Variants in NACC2 observed in about 807,000 individuals in gnomAD.
NACC2 encodes the protein NACC family member 2, also known as nucleus accumbens-associated protein 2.
In NACC2, 8 loss-of-function variants were observed where a neutral mutation model predicts 25.1. That is an observed-to-expected ratio of 0.32 (90% confidence interval 0.19 to 0.57). NACC2 has a LOEUF of 0.57. Among genes scored for constraint, NACC2 ranks in the 20% least tolerant of loss-of-function variants. NACC2 has a pLI of 0.89. For missense variants in NACC2, 644 were observed against 650.2 expected, an observed-to-expected ratio of 0.99 and a Z score of 0.10; for synonymous variants, 435 against 294.7, an observed-to-expected ratio of 1.48 and a Z score of -4.88.
In NACC2 at chr9:136,095,218, G is replaced by A. The variant is rs1329680549; in HGVS notation, c.-89C>T. 1 of 147,522 alleles carries A rather than the reference G, an allele frequency of 6.8e-6. No homozygotes were observed. The highest frequency in any genetic ancestry group is 1.5e-5 in the Non-Finnish European group (1 of 66,154). 9.1% of individuals were successfully genotyped at this position (147,522 alleles called of 1,614,324 possible). ...GGGCGCCCGGCCCGGTCCGGCCTGG[G>A]CAGCTGCGGCGCGCCGCCCGCGGCA... On this transcript the variant is annotated 5_prime_UTR_variant, in exon 1 of 6. Coordinates refer to ENST00000277554, the MANE Select transcript of NACC2 (RefSeq NM_144653.5).
intron 1 of NACC2, among the ~76,000 whole-genome samples, chr9:136,062,584 T>C (rs1459329087): frequency 6.6e-6 from 1 of 152,176 alleles, no homozygotes; most frequent in Non-Finnish European, 1.5e-5. Flanking sequence ...ATAATACCTG[T>C]TCTCTGTACG....
In NACC2 at chr9:136,011,669, C is replaced by T. The variant is rs576517890; in HGVS notation, c.1611G>A (p.Ser537=). 22 of 1,421,118 alleles carry T rather than the reference C, an allele frequency of 1.5e-5. No homozygotes were observed. In the Admixed American group the frequency reaches 2.4e-4, roughly 16 times the overall value. The allele number at this position is 1,421,118 out of a possible 1,614,324, so 88.0% of individuals were successfully genotyped here. A position where few individuals can be genotyped will look rare whatever the true frequency, so the allele number is the denominator to read the frequency against. Residue 537 remains serine, a synonymous_variant, in exon 6 of 6, where the codon TCG becomes TCA. Transcript: ENST00000277554. ...DAGEEVDGAG[S]VIQEVAAPEP... Reference sequence around the variant, plus strand: ...CGGGGGCGGCCACCTCCTGGATGACCGAGCCAGCCCCGTCCACCTCCTCGC... The same window carrying T: ...CGGGGGCGGCCACCTCCTGGATGACTGAGCCAGCCCCGTCCACCTCCTCGC...
chr9:136,062,148 AGGACAGGACAGGACAGGAC>A (rs1184997437), intron 1 of NACC2, among the ~76,000 whole-genome samples: 4 of 151,606 alleles, frequency 2.6e-5, no homozygotes, highest in Non-Finnish European at 4.4e-5. Context: ...AGGACAGGAC[AGGACAGGACAGGACAGGAC>A]AGGACAGGAA....
chr9:136,018,174 G>A lies in NACC2; in HGVS notation c.887-1745C>T, dbSNP rs1239623424. Among the ~76,000 whole-genome samples, 1 of 152,164 alleles carries A rather than the reference G, an allele frequency of 6.6e-6. No individual in the cohort carries two copies. Among genetic ancestry groups the A allele is most frequent in the Non-Finnish European group, 1.5e-5 (1 of 67,994 alleles). ...AGGACGCTCAGAGGCAGGTGCACCT[G>A]GCCATGCTGTCCCTGTTCCCAGTCC... On this transcript the variant is annotated intron_variant, in intron 2 of 5. Transcript: ENST00000277554. This position sits in a 1 kb window ranked among gnomAD's most constrained non-coding sequence, Gnocchi z 4.4.
rs1215578822 is a variant in NACC2, at chr9:136,013,520, C to A, written c.1158-224G>T. On this transcript the variant is annotated intron_variant, in intron 4 of 5. Coordinates refer to ENST00000277554, the MANE Select transcript of NACC2 (RefSeq NM_144653.5). This position sits in a 1 kb window ranked among gnomAD's most constrained non-coding sequence, Gnocchi z 6.6. ...ACCGGGTGATGGGGCTGCAAGGTGACCTGAGCCTTGTCCTCAGGGACTCCG... is the reference window on the plus strand; with the variant it reads ...ACCGGGTGATGGGGCTGCAAGGTGAACTGAGCCTTGTCCTCAGGGACTCCG... 6.6e-6 allele frequency among the ~76,000 whole-genome samples: 1 copy of A among 152,210 alleles called. No homozygotes were observed. Among genetic ancestry groups the A allele is most frequent in the Non-Finnish European group, 1.5e-5 (1 of 68,038 alleles).
rs1198049595 is a variant in NACC2, at chr9:136,024,061, T to A, written c.887-7632A>T. Among the ~76,000 whole-genome samples the A allele has an allele frequency of 7.2e-5, 11 of 151,836 alleles. No individual in the cohort carries two copies. The South Asian group carries it at 1.9e-3, about 26-fold the overall frequency. ...ACAGAGTGTGTGGGGACAGCGTGTG[T>A]GTGTGAGGCCAGAGTGTGAGTGAGG... On this transcript the variant is annotated intron_variant, in intron 2 of 5. Transcript: ENST00000277554.
rs1840792488 is a variant in NACC2, at chr9:136,049,940, C to G, written c.582G>C (p.Glu194Asp). 1 of 581,082 alleles carries G rather than the reference C, an allele frequency of 1.7e-6. No homozygotes were observed. The highest frequency in any genetic ancestry group is 3.0e-6 in the Non-Finnish European group (1 of 328,574). 36.0% of individuals were successfully genotyped at this position (581,082 alleles called of 1,614,324 possible). A position where few individuals can be genotyped will look rare whatever the true frequency, so the allele number is the denominator to read the frequency against. ...GPGLAPKRPL[E>D]TGPRDGVAVA... ...CCGCCACGCCGTCCCGGGGCCCCGTCTCCAGCGGGCGCTTGGGGGCCAGGC... is the reference window on the plus strand; with the variant it reads ...CCGCCACGCCGTCCCGGGGCCCCGTGTCCAGCGGGCGCTTGGGGGCCAGGC... Residue 194 changes from glutamate to aspartate, a missense_variant, in exon 2 of 6, where the codon GAG becomes GAC. Physicochemically the swap from Glu to Asp is conservative, Grantham distance 45. Transcript: ENST00000277554.
In NACC2 at chr9:136,061,646, C is replaced by T. The variant is rs146860589; in HGVS notation, c.-59-11066G>A. On this transcript the variant is annotated intron_variant, in intron 1 of 5. Coordinates refer to ENST00000277554, the MANE Select transcript of NACC2 (RefSeq NM_144653.5). Reference sequence around the variant, plus strand: ...GCAGGTCTACCCCAGCCCCCAGCCTCAGCCCTCACACGGCCAGGTGGCAAC... The same window carrying T: ...GCAGGTCTACCCCAGCCCCCAGCCTTAGCCCTCACACGGCCAGGTGGCAAC... Among the ~76,000 whole-genome samples the T allele has an allele frequency of 4.2e-4, 64 of 152,334 alleles. 1 individual carries two copies. The East Asian group carries it at 8.5e-3, about 20-fold the overall frequency.
intron 1 of NACC2, among the ~76,000 whole-genome samples, chr9:136,067,396 G>A (rs752337612): frequency 2.6e-5 from 4 of 152,120 alleles, no homozygotes; most frequent in Non-Finnish European, 5.9e-5. Flanking sequence ...TAAAATTCAC[G>A]ATGGTAATGG....
At chr9:136,058,883 G>A (rs370331292) in intron 1 of NACC2, among the ~76,000 whole-genome samples, 27 of 152,330 alleles carry the variant, frequency 1.8e-4, no homozygotes, top group South Asian at 6.2e-4. Context: ...CGCAGGGGCC[G>A]GGGCAGGATG....
At chr9:136,094,710 G>A (rs1830469498) in intron 1 of NACC2, among the ~76,000 whole-genome samples, 2 of 151,994 alleles carry the variant, frequency 1.3e-5, no homozygotes, top group Admixed American at 6.5e-5. Context: ...GGCTGGGCCA[G>A]GCAGCTGCGC....
chr9:136,054,540 G>A (rs1420946350), intron 1 of NACC2, among the ~76,000 whole-genome samples: 1 of 152,176 alleles, frequency 6.6e-6, no homozygotes, highest in Non-Finnish European at 1.5e-5. Flanking sequence ...AGACACACGG[G>A]GGCTGACCCT....
intron 3 of NACC2, among the ~76,000 whole-genome samples, chr9:136,014,644 G>A (rs1840170999): frequency 6.6e-6 from 1 of 152,192 alleles, no homozygotes; most frequent in African/African-American, 2.4e-5. Context: ...AAACACTCAT[G>A]TCTTTGCCTT....
rs1467903712 is a variant in NACC2 at position 136,006,982 on chromosome 9, T to A, written c.*4534A>T. 1.3e-5 allele frequency: 2 copies of A among 153,984 alleles called. No individual in the cohort carries two copies. Among genetic ancestry groups the A allele is most frequent in the Non-Finnish European group, 2.9e-5 (2 of 68,228 alleles). The allele number at this position is 153,984 out of a possible 1,614,324, so 9.5% of individuals were successfully genotyped here. A position where few individuals can be genotyped will look rare whatever the true frequency, so the allele number is the denominator to read the frequency against. ...AAAACAACCGTCTCCTTTTTAAAAG[T>A]CTCTTTTTTCCAAACATTCCATCCG... On this transcript the variant is annotated 3_prime_UTR_variant, in exon 6 of 6. Coordinates refer to ENST00000277554, the MANE Select transcript of NACC2 (RefSeq NM_144653.5).
Position 136,011,993 on chromosome 9 carries a change from C to T in NACC2, c.1287G>A (p.Lys429=), listed in dbSNP as rs773521472. 9 of 1,599,446 alleles carry T rather than the reference C, an allele frequency of 5.6e-6. 1 individual carries two copies. The highest frequency in any genetic ancestry group is 4.5e-5 in the East Asian group (2 of 44,492). The stretch of plus-strand genomic sequence containing the variant: ...CGGCGATCACGTTCATCTCGCTCTC[C>T]TTGAAGCTGGGGGCGAAGTTCTGAC... ...LYCQNFAPSF[K]ESEMNVIAAD... is the part of the protein sequence containing the mutation. The change falls in exon 6 of 6, where the codon AAG becomes AAA. Residue 429 remains lysine, a synonymous_variant. Transcript: ENST00000277554.
At chr9:136,024,348 A>T (rs1470002398) in intron 2 of NACC2, among the ~76,000 whole-genome samples, 6 of 111,232 alleles carry the variant, frequency 5.4e-5, no homozygotes, top group South Asian at 3.3e-4. Flanking sequence ...GTGAGGACAG[A>T]GTGTGTGTGT....
chr9:136,080,987 C>T (rs1322551227), intron 1 of NACC2, among the ~76,000 whole-genome samples: 3 of 152,164 alleles, frequency 2.0e-5, no homozygotes, highest in Admixed American at 2.0e-4. Context: ...GTCTCCCACC[C>T]CAAGCACATT....
intron 2 of NACC2, among the ~76,000 whole-genome samples, chr9:136,023,980 C>T (rs544149170): frequency 2.0e-5 from 3 of 152,368 alleles, no homozygotes; most frequent in East Asian, 1.9e-4. Flanking sequence ...CGTGCACATG[C>T]GTCAGACATG....
chr9:136,042,695 C>A (rs1208583456), intron 2 of NACC2, among the ~76,000 whole-genome samples: 1 of 150,998 alleles, frequency 6.6e-6, no homozygotes, highest in Non-Finnish European at 1.5e-5. Context: ...CACACACAGA[C>A]ACACACACAG....
Sources: gnomAD v4.1 joint callset for allele counts (sites outside exome capture counted in the v4.1 genomes callset) on GRCh38, gnomAD v4.1.1 for gene constraint, Gnocchi (gnomAD v3.1) non-coding constraint, MANE v1.5 for transcripts, NCBI Gene and HGNC (gene_info 2026-07-23, HGNC 2026-07-21) for gene names.